Variants in SREBF1 observed in about 807,000 individuals in gnomAD.
SREBF1 encodes sterol regulatory element-binding protein 1.
In SREBF1, 45 loss-of-function variants were observed where a neutral mutation model predicts 100.1. That is an observed-to-expected ratio of 0.45 (90% CI 0.35 to 0.58). The LOEUF (loss-of-function observed/expected upper bound fraction) is 0.58, where lower values mean the gene tolerates loss of function less well. Ranked by LOEUF, SREBF1 falls within the 20% of genes least tolerant of loss-of-function variation. The probability of loss-of-function intolerance (pLI) is 0.00; values close to 1 mark genes in which losing one functional copy is unlikely to be tolerated. For synonymous variants in SREBF1, 657 were observed against 681.8 expected, an observed-to-expected ratio of 0.96 and a Z score of 0.57; for missense variants, 1,324 against 1,539.4, an observed-to-expected ratio of 0.86 and a Z score of 2.34.
chr17:17,813,348 G>T lies in SREBF1; in HGVS notation c.3214+20C>A, dbSNP rs11653007. The T allele has an allele frequency of 6.4e-6, 10 of 1,572,868 alleles. No homozygotes were observed. Among genetic ancestry groups the T allele is most frequent in the Non-Finnish European group, 8.6e-7 (1 of 1,160,600 alleles). On this transcript the variant is annotated intron_variant, in intron 18 of 18. Transcript: ENST00000261646. ...CTGCTGAGCAGACAGCACATCCCTG[G>T]TCAGCAGCTGCCCCCTCACCTCCTT...
chr17:17,823,702 CCTGCAGGT>C, intron 1 of SREBF1: 1 of 672,678 alleles, frequency 1.5e-6, no homozygotes, highest in South Asian at 4.2e-5. Context: ...CCCCGCCCCG[CCTGCAGGT>C]CCCGCCCCGC....
In SREBF1 at chr17:17,819,199, G is replaced by C. The variant is rs1000492432; in HGVS notation, c.882C>G (p.Val294=). Residue 294 remains valine (V), a synonymous_variant, in exon 5 of 19, where the codon GTC becomes GTG. Coordinates refer to ENST00000261646, the MANE Select transcript of SREBF1 (RefSeq NM_004176.5). Reference sequence around the variant, plus strand: ...GCTTCTCCGCATCTACGACCAGTGGGACTGTTGCCAAGATGGTTCCGCCAC... The same window carrying C: ...GCTTCTCCGCATCTACGACCAGTGGCACTGTTGCCAAGATGGTTCCGCCAC... ...LVSGGTILAT[V]PLVVDAEKLP... is the part of the protein sequence containing the mutation. 2 of 1,614,178 alleles carry C rather than the reference G, an allele frequency of 1.2e-6. No homozygotes were observed. The highest frequency in any genetic ancestry group is 1.7e-6 in the Non-Finnish European group (2 of 1,180,046).
At chr17:17,815,748 C>T (rs2143012016) in intron 12 of SREBF1, 112 bp downstream of exon 12, 2 of 1,186,028 alleles carry the variant, frequency 1.7e-6, no homozygotes, top group East Asian at 2.6e-5. Flanking sequence ...CAACCCATGG[C>T]AGGGAGAAGG....
At position 17,812,648 on chromosome 17, in the gene SREBF1, C is replaced by T. The variant is rs1169064435; in HGVS notation, c.3418G>A (p.Gly1140Ser). 1.6e-5 allele frequency: 25 copies of T among 1,607,560 alleles called. No homozygotes were observed. Among genetic ancestry groups the T allele is most frequent in the Non-Finnish European group, 2.1e-5 (25 of 1,177,288 alleles). Reference protein sequence around the residue: ...DCQQMLMRLGGGTTVTSS With the variant: ...DCQQMLMRLGSGTTVTSS ...TAGCTGGAAGTGACAGTGGTCCCAC[C>T]GCCCAGGCGCATGAGCATCTGCTGA... The change falls in exon 19 of 19, where the codon GGT becomes AGT. Residue 1140 changes from glycine (G) to serine (S), a missense_variant. Gly to Ser is a moderately conservative substitution (Grantham distance 56). Coordinates refer to ENST00000261646, the MANE Select transcript of SREBF1 (RefSeq NM_004176.5).
chr17:17,826,620 C>T (rs985313247), intron 1 of SREBF1, among the ~76,000 whole-genome samples: 9 of 152,212 alleles, frequency 5.9e-5, no homozygotes, highest in Non-Finnish European at 1.3e-4. Context: ...CCACCCCTCC[C>T]CAAGCCTGGG....
intron 1 of SREBF1, among the ~76,000 whole-genome samples, chr17:17,826,629 G>A (rs1488574341): frequency 6.6e-6 from 1 of 152,110 alleles, no homozygotes; most frequent in Non-Finnish European, 1.5e-5. Flanking sequence ...CCCAAGCCTG[G>A]GTTCCTCCTC....
chr17:17,819,946 A>G, intron 2 of SREBF1, 144 bp downstream of exon 2: 1 of 1,139,102 alleles, frequency 8.8e-7, no homozygotes, highest in Non-Finnish European at 1.2e-6. Context: ...CAGGACTGCT[A>G]GTAACAGGGC....
chr17:17,812,995 C>G (rs2033090412), intron 18 of SREBF1, 144 bp from the exon 19 acceptor site: 5 of 708,356 alleles, frequency 7.1e-6, no homozygotes, highest in Non-Finnish European at 6.8e-6. Flanking sequence ...CCCCTCTCCC[C>G]ACCCTAGTCT....
chr17:17,815,147 A>G, intron 13 of SREBF1, 74 bp downstream of exon 13: 2 of 1,444,700 alleles, frequency 1.4e-6, no homozygotes, highest in Middle Eastern at 3.5e-4. Flanking sequence ...CTCTCTCCAC[A>G]GGGTTGAGGC....
At chr17:17,835,986 A>G (rs900155005) in intron 1 of SREBF1, among the ~76,000 whole-genome samples, 9 of 152,164 alleles carry the variant, frequency 5.9e-5, no homozygotes, top group Admixed American at 1.3e-4. Flanking sequence ...GGTGACCCTC[A>G]GGTCTCAGCT....
chr17:17,814,186 A>C, intron 16 of SREBF1, 59 bp downstream of exon 16: 1 of 1,540,394 alleles, frequency 6.5e-7, no homozygotes, highest in Non-Finnish European at 8.8e-7. Flanking sequence ...GGGGAGAGGA[A>C]CCAGGGAATG....
At chr17:17,830,682 G>A (rs868561578) in intron 1 of SREBF1, among the ~76,000 whole-genome samples, 35 of 152,302 alleles carry the variant, frequency 2.3e-4, no homozygotes, top group South Asian at 1.5e-3. Flanking sequence ...TTCCCCCTAG[G>A]GGGATGGACC....
intron 1 of SREBF1, among the ~76,000 whole-genome samples, chr17:17,825,260 T>C (rs11657423): frequency 0.48 from 72,329 of 152,210 alleles, 19,463 homozygotes; most frequent in Non-Finnish European, 0.63. Flanking sequence ...TTACCACATA[T>C]TCCTGCCTCT....
chr17:17,820,058 G>A (rs773721880), intron 2 of SREBF1, 32 bp downstream of exon 2: 20 of 1,590,054 alleles, frequency 1.3e-5, no homozygotes, highest in African/African-American at 5.4e-5. Context: ...GCCCCACCCC[G>A]GGTGTCCCCT....
intron 1 of SREBF1, among the ~76,000 whole-genome samples, chr17:17,821,884 C>T (rs959917207): frequency 7.9e-5 from 12 of 152,380 alleles, no homozygotes; most frequent in African/African-American, 2.9e-4. Context: ...TGGGGCTACC[C>T]ACATTGATGG....
At chr17:17,825,068 T>C (rs887048905) in intron 1 of SREBF1, among the ~76,000 whole-genome samples, 4 of 152,176 alleles carry the variant, frequency 2.6e-5, no homozygotes, top group Non-Finnish European at 4.4e-5. Flanking sequence ...AAAAGCACAC[T>C]GAGAGCTGAA....
rs1299897266 is a variant in SREBF1 at position 17,819,044 on chromosome 17, A to G, written c.1037T>C (p.Leu346Pro). The G allele has an allele frequency of 6.2e-7, 1 of 1,613,826 alleles. No homozygotes were observed. The highest frequency in any genetic ancestry group is 8.5e-7 in the Non-Finnish European group (1 of 1,180,038). The change falls in exon 5 of 19, where the codon CTC (leucine) becomes CCC (proline). Residue 346 changes from leucine to proline, a missense_variant. By Grantham distance (98) the Leu-to-Pro change is moderately conservative. Coordinates refer to ENST00000261646, the MANE Select transcript of SREBF1 (RefSeq NM_004176.5). ...CTCAGTGCCCACCACCAGATCCTTG[A>G]GCTCAATGATTTTGTCATTGATGGA... ...RSSINDKIIE[L>P]KDLVVGTEAK...
chr17:17,818,947 C>T, intron 5 of SREBF1, 66 bp downstream of exon 5: 4 of 1,549,574 alleles, frequency 2.6e-6, no homozygotes, highest in African/African-American at 1.4e-5. Flanking sequence ...CTCTTCCTTC[C>T]AGTTGCCCCT....
intron 1 of SREBF1, chr17:17,823,559 CTTGGGG>C (rs1471624568): frequency 1.2e-6 from 2 of 1,613,522 alleles, no homozygotes; most frequent in Non-Finnish European, 1.7e-6. Context: ...TGCGCCCGCC[CTTGGGG>C]CGTCCAGGCC....
Sources: allele counts gnomAD v4.1 joint callset (sites outside exome capture counted in the v4.1 genomes callset), GRCh38; gene constraint gnomAD v4.1.1; transcripts MANE v1.5; gene names NCBI Gene and HGNC (gene_info 2026-07-23, HGNC 2026-07-21).